Variants in CNKSR3 observed in about 807,000 individuals in gnomAD.
The protein encoded by CNKSR3 is connector enhancer of kinase suppressor of ras 3.
Under a neutral mutation model 67.7 loss-of-function variants are expected in CNKSR3, and 36 were observed. That is an observed-to-expected ratio of 0.53 (90% CI 0.41 to 0.70). The LOEUF is 0.70. Among genes scored for constraint, CNKSR3 ranks in the 30% least tolerant of loss-of-function variants. The pLI is 0.00. For synonymous variants in CNKSR3, 281 were observed against 271.4 expected (o/e 1.04, Z -0.35); for missense variants, 630 against 695.2 (o/e 0.91, Z 1.05).
chr6:154,398,296 T>A lies in CNKSR3; in HGVS notation c.*8058A>T, dbSNP rs758031177. On this transcript the variant is annotated 3_prime_UTR_variant, in exon 13 of 13. Coordinates refer to ENST00000607772, the MANE Select transcript of CNKSR3 (RefSeq NM_173515.4). ...GTGTCTGAGTGGTCTGGGTGTCACA[T>A]CTGTGTGTGTGCCCAAATGGATGAA... 1.3e-5 allele frequency: 2 copies of A among 152,244 alleles called. No homozygotes were observed. The highest frequency in any genetic ancestry group is 1.3e-4 in the Admixed American group (2 of 15,286). The allele number at this position is 152,244 out of a possible 1,614,324, so 9.4% of individuals were successfully genotyped here. A position where few individuals can be genotyped will look rare whatever the true frequency, so the allele number is the denominator to read the frequency against.
At chr6:154,406,686 C>A (rs1276405822) in intron 12 of CNKSR3, 34 bp from the exon 13 acceptor site, 1 of 1,579,290 alleles carries the variant, frequency 6.3e-7, no homozygotes. Flanking sequence ...AGTCACAATC[C>A]CAGCCGGGCG....
chr6:154,510,062 C>T lies in CNKSR3; in HGVS notation c.52+1G>A. The T allele has an allele frequency of 6.2e-7, 1 of 1,614,140 alleles. No individual in the cohort carries two copies. Among genetic ancestry groups the T allele is most frequent in the Non-Finnish European group, 8.5e-7 (1 of 1,179,988 alleles). ...TCCGGACCCCCCCAAGGCCCGCGCA[C>T]CTCTAGTCCAGTCCACCACTTGTTT... On this transcript the variant is annotated splice_donor_variant, in intron 1 of 12. Transcript: ENST00000607772. LOFTEE classifies it high-confidence loss of function.
At chr6:154,504,695 A>G (rs2114663210) in intron 1 of CNKSR3, among the ~76,000 whole-genome samples, 1 of 148,834 alleles carries the variant, frequency 6.7e-6, no homozygotes, top group Non-Finnish European at 1.5e-5. Context: ...CAAACACCTC[A>G]CTGGGTTTTC....
At chr6:154,408,970 C>T (rs924783936) in intron 12 of CNKSR3, among the ~76,000 whole-genome samples, 5 of 152,218 alleles carry the variant, frequency 3.3e-5, no homozygotes, top group East Asian at 3.9e-4. Context: ...AAGGCTCAAC[C>T]CTGGCTCAGA....
At chr6:154,480,317 G>A (rs888358945) in intron 1 of CNKSR3, among the ~76,000 whole-genome samples, 5 of 152,112 alleles carry the variant, frequency 3.3e-5, no homozygotes, top group Admixed American at 6.5e-5. Flanking sequence ...AGCAAGCTCC[G>A]AAGGGCTAAA....
chr6:154,454,102 C>CAGAGAGAG (rs1357528671), intron 1 of CNKSR3, among the ~76,000 whole-genome samples: 56 of 115,284 alleles, frequency 4.9e-4, no homozygotes, highest in African/African-American at 1.6e-3. Context: ...CACACACACA[C>CAGAGAGAG]ACAGAGAGAG....
intron 1 of CNKSR3, among the ~76,000 whole-genome samples, chr6:154,459,178 G>T (rs1786025215): frequency 6.6e-6 from 1 of 151,796 alleles, no homozygotes; most frequent in Admixed American, 6.6e-5. Context: ...ACTAGCAAAT[G>T]AATGAACTTG....
intron 9 of CNKSR3, among the ~76,000 whole-genome samples, chr6:154,420,242 AT>A (rs1785112243): frequency 1.5e-5 from 2 of 137,354 alleles, no homozygotes; most frequent in Admixed American, 1.4e-4. Context: ...AAAAAAAAAA[AT>A]TGAACTCTTA....
At chr6:154,447,684 T>G (rs2128718664) in intron 2 of CNKSR3, among the ~76,000 whole-genome samples, 1 of 152,282 alleles carries the variant, frequency 6.6e-6, no homozygotes, top group South Asian at 2.1e-4. Context: ...TACTTTCCAG[T>G]GGTTTTGTTT....
At chr6:154,415,615 C>T (rs7752017) in intron 9 of CNKSR3, among the ~76,000 whole-genome samples, 61,056 of 152,020 alleles carry the variant, frequency 0.4, 12,778 homozygotes, top group African/African-American at 0.46. Context: ...ACAAGGATAG[C>T]ACCAACATAG....
At chr6:154,424,899 G>A (rs1785224936) in intron 7 of CNKSR3, among the ~76,000 whole-genome samples, 1 of 152,138 alleles carries the variant, frequency 6.6e-6, no homozygotes, top group Admixed American at 6.5e-5. Flanking sequence ...AACCTCCCGG[G>A]TAGTTGGGAT....
chr6:154,403,439 A>T lies in CNKSR3; in HGVS notation c.*2915T>A, dbSNP rs1229829745. On this transcript the variant is annotated 3_prime_UTR_variant, in exon 13 of 13. Coordinates refer to ENST00000607772, the MANE Select transcript of CNKSR3 (RefSeq NM_173515.4). Reference sequence around the variant, plus strand: ...AAAAAAAAATTTTTTTTAAAGAAATAAAAATAAAGAATCCTGTCAAAAAGC... The same window carrying T: ...AAAAAAAAATTTTTTTTAAAGAAATTAAAATAAAGAATCCTGTCAAAAAGC... 2.0e-5 allele frequency: 3 copies of T among 151,956 alleles called. No homozygotes were observed. Among genetic ancestry groups the T allele is most frequent in the Non-Finnish European group, 1.5e-5 (1 of 68,010 alleles). 9.4% of individuals were successfully genotyped at this position (151,956 alleles called of 1,614,324 possible).
chr6:154,492,159 T>C (rs11155977), intron 1 of CNKSR3, among the ~76,000 whole-genome samples: 18,076 of 152,196 alleles, frequency 0.12, 1,207 homozygotes, highest in East Asian at 0.18. Flanking sequence ...ATCACTACCT[T>C]GTTCTGGGAA....
At chr6:154,412,217 C>G (rs1784925771) in intron 10 of CNKSR3, among the ~76,000 whole-genome samples, 1 of 152,194 alleles carries the variant, frequency 6.6e-6, no homozygotes, top group South Asian at 2.1e-4. Context: ...AATATATCTC[C>G]TTCCATACCT....
intron 1 of CNKSR3, among the ~76,000 whole-genome samples, chr6:154,484,380 G>C (rs1786623652): frequency 6.6e-6 from 1 of 152,132 alleles, no homozygotes; most frequent in Admixed American, 6.5e-5. Context: ...TTGCATCTGA[G>C]CACTGCCTCA....
At chr6:154,473,311 T>C (rs796076132) in intron 1 of CNKSR3, among the ~76,000 whole-genome samples, 27 of 152,366 alleles carry the variant, frequency 1.8e-4, no homozygotes, top group African/African-American at 5.8e-4. Flanking sequence ...TATCATTTTC[T>C]ATGCGTTAGG....
rs772964418 is a variant in CNKSR3, at chr6:154,466,793, TG to T, written c.53-16536del. On this transcript the variant is annotated intron_variant, in intron 1 of 12. Coordinates refer to ENST00000607772, the MANE Select transcript of CNKSR3 (RefSeq NM_173515.4). ...CACCATCACGCCCAGCTAATTTTTT[TG>T]TTTTTTTTTTTTATAGAGACAGGGT... Among the ~76,000 whole-genome samples the T allele has an allele frequency of 2.2e-4, 30 of 135,294 alleles. 2 individuals are homozygous for T. The highest frequency in any genetic ancestry group is 5.1e-4 in the African/African-American group (16 of 31,402). The allele number at this position is 135,294 out of a possible 152,430, so 88.8% of individuals were successfully genotyped here.
chr6:154,495,330 T>G (rs1297250640), intron 1 of CNKSR3, among the ~76,000 whole-genome samples: 1 of 151,590 alleles, frequency 6.6e-6, no homozygotes, highest in Non-Finnish European at 1.5e-5. Flanking sequence ...TAAACCCACA[T>G]AGCAGCTCCT....
Position 154,441,284 on chromosome 6 carries a change from C to T in CNKSR3, c.507+8G>A, listed in dbSNP as rs1341410480. On this transcript the variant is annotated splice_region_variant and intron_variant, in intron 4 of 12. Transcript: ENST00000607772. ...AAAAAAAGAAAGTGAAAATGACATACTACTGACCTTCTGGACTGTAGTGGT... is the reference window on the plus strand; with the variant it reads ...AAAAAAAGAAAGTGAAAATGACATATTACTGACCTTCTGGACTGTAGTGGT... The T allele has an allele frequency of 1.8e-6, 2 of 1,118,786 alleles. No individual in the cohort carries two copies. The highest frequency in any genetic ancestry group is 2.6e-6 in the Non-Finnish European group (2 of 758,136). 69.3% of individuals were successfully genotyped at this position (1,118,786 alleles called of 1,614,324 possible). A position where few individuals can be genotyped will look rare whatever the true frequency, so the allele number is the denominator to read the frequency against.
Sources: gnomAD v4.1 joint callset for allele counts (sites outside exome capture counted in the v4.1 genomes callset) on GRCh38, gnomAD v4.1.1 for gene constraint, MANE v1.5 for transcripts, NCBI Gene and HGNC (gene_info 2026-07-23, HGNC 2026-07-21) for gene names.